The following ZNF536 variants were observed in gnomAD, a reference collection of about 807,000 sequenced individuals.
The protein encoded by ZNF536 is zinc finger protein 536.
A neutral mutation model predicts 84.5 loss-of-function variants in ZNF536; 13 were observed. The observed-to-expected ratio is 0.15, with a 90% CI of 0.10 to 0.24. The LOEUF is 0.24. ZNF536 is among the 10% of genes least tolerant of loss of function. ZNF536 has a pLI of 1.00. For missense variants in ZNF536, 1,536 were observed against 1,747.5 expected (o/e 0.88, Z 2.16); for synonymous variants, 811 against 742.5 (o/e 1.09, Z -1.50).
At chr19:30,307,136 G>A (rs1392452162) in intron 2 of ZNF536, among the ~76,000 whole-genome samples, 1 of 152,000 alleles carries the variant, frequency 6.6e-6, no homozygotes, top group Non-Finnish European at 1.5e-5. Context: ...GAATTCGCAT[G>A]GCAACATGAA....
intron 1 of ZNF536, among the ~76,000 whole-genome samples, chr19:30,402,823 A>ATATATATATATATATATATATG (rs71171802): frequency 7.2e-6 from 1 of 138,380 alleles, no homozygotes; most frequent in Non-Finnish European, 1.6e-5. Flanking sequence ...ATATATATAT[A>ATATATATATATATATATATATG]ATTTTCAAAA....
chr19:30,353,014 C>T (rs2047982299), intron 3 of ZNF536, among the ~76,000 whole-genome samples: 1 of 152,192 alleles, frequency 6.6e-6, no homozygotes, highest in South Asian at 2.1e-4. Context: ...GATAGTAAAA[C>T]CATACTTCTT....
At chr19:30,707,294 C>T (rs2052281613) in intron 1 of ZNF536, among the ~76,000 whole-genome samples, 1 of 152,196 alleles carries the variant, frequency 6.6e-6, no homozygotes, top group East Asian at 1.9e-4. Context: ...ATCCTTCAGT[C>T]TATGCCCTAA....
In ZNF536 at chr19:30,294,549, A is replaced by ATGTGTGTG. The variant is rs55972417; in HGVS notation, c.-120+10442_-120+10449dup. ...CTGTTTCTCCTCTCTAGGCCCCAAT[A>ATGTGTGTG]TGTGTGTGTGTGTGTGTGTGTGTGT... is the stretch of plus-strand genomic sequence containing the variant. On this transcript the variant is annotated intron_variant, in intron 2 of 5. Coordinates refer to the ZNF536 transcript ENST00000585628. Among the ~76,000 whole-genome samples the ATGTGTGTG allele has an allele frequency of 2.6e-3, 375 of 145,598 alleles. 1 individual carries two copies. Among genetic ancestry groups the ATGTGTGTG allele is most frequent in the African/African-American group, 5.2e-3 (209 of 39,896 alleles).
chr19:30,482,876 T>G (rs1366219435), intron 2 of ZNF536, among the ~76,000 whole-genome samples: 1 of 152,186 alleles, frequency 6.6e-6, no homozygotes, highest in Non-Finnish European at 1.5e-5. Context: ...TGGGTGGGCT[T>G]CAGCAAGCTT....
At chr19:30,667,132 G>A (rs933429404) in intron 1 of ZNF536, among the ~76,000 whole-genome samples, 5 of 152,136 alleles carry the variant, frequency 3.3e-5, no homozygotes, top group Non-Finnish European at 7.3e-5. Flanking sequence ...TTAGCATCTC[G>A]CAGTAGCACA....
At chr19:30,501,644 T>G (rs546613874) in intron 2 of ZNF536, among the ~76,000 whole-genome samples, 1 of 152,278 alleles carries the variant, frequency 6.6e-6, no homozygotes, top group South Asian at 2.1e-4. Context: ...CAGTCCATAC[T>G]GAGACTCACA....
intron 1 of ZNF536, among the ~76,000 whole-genome samples, chr19:30,247,674 A>T (rs919618173): frequency 1.4e-4 from 22 of 152,088 alleles, no homozygotes; most frequent in Non-Finnish European, 3.1e-4. Flanking sequence ...CAGAAAATTA[A>T]AAAAAATTAG....
chr19:30,360,349 A>T (rs1420048181), intron 3 of ZNF536, among the ~76,000 whole-genome samples: 1 of 152,172 alleles, frequency 6.6e-6, no homozygotes, highest in Non-Finnish European at 1.5e-5. Context: ...TAATCCCTTT[A>T]TTGTTTGCAC....
chr19:30,565,473 C>T (rs537736081), intron 1 of ZNF536, among the ~76,000 whole-genome samples: 33 of 152,330 alleles, frequency 2.2e-4, no homozygotes, highest in South Asian at 8.3e-4. Context: ...GCCACTTCTG[C>T]GTAACCAGAA....
chr19:30,624,740 C>A (rs2048613114), intron 1 of ZNF536, among the ~76,000 whole-genome samples: 1 of 152,002 alleles, frequency 6.6e-6, no homozygotes, highest in African/African-American at 2.4e-5. Flanking sequence ...GGCTTTGTAT[C>A]CCCCACCCAA....
At chr19:30,596,332 G>C (rs148568962) in intron 1 of ZNF536, among the ~76,000 whole-genome samples, 201 of 152,256 alleles carry the variant, frequency 1.3e-3, no homozygotes, top group African/African-American at 4.6e-3. Context: ...AACGTCTCTG[G>C]CTGCTTAAAG....
chr19:30,444,538 G>T lies in ZNF536; in HGVS notation c.976G>T (p.Ala326Ser), dbSNP rs1456171757. The T allele has an allele frequency of 1.9e-6, 3 of 1,613,078 alleles. No individual in the cohort carries two copies. The highest frequency in any genetic ancestry group is 1.3e-5 in the African/African-American group (1 of 74,956). Residue 326 changes from alanine to serine, a missense_variant, in exon 2 of 5, where the codon GCC (alanine) becomes TCC (serine). Transcript: ENST00000355537. ...CCACGTGGAGAAGGCACACATCACG[G>T]CCGAGTCGGCCCAGGGCCAGGGCCC... ...ISHVEKAHIT[A>S]ESAQGQGPNG...
chr19:30,656,627 G>A (rs960764349), intron 1 of ZNF536, among the ~76,000 whole-genome samples: 6 of 152,196 alleles, frequency 3.9e-5, no homozygotes, highest in Non-Finnish European at 7.3e-5. Context: ...CGGCAGGGAC[G>A]CAATCATACA....
chr19:30,589,564 T>C (rs2047208220), intron 1 of ZNF536, among the ~76,000 whole-genome samples: 1 of 152,142 alleles, frequency 6.6e-6, no homozygotes. Context: ...GAGTGCAAAC[T>C]GTTTATTTGG....
At chr19:30,551,323 C>T (rs183048495) in intron 4 of ZNF536, among the ~76,000 whole-genome samples, 2 of 152,234 alleles carry the variant, frequency 1.3e-5, no homozygotes, top group East Asian at 1.9e-4. Context: ...CTGCCTGGCT[C>T]GAGGAAGTTT....
At chr19:30,592,744 C>A (rs995243018) in intron 1 of ZNF536, among the ~76,000 whole-genome samples, 1 of 151,786 alleles carries the variant, frequency 6.6e-6, no homozygotes, top group African/African-American at 2.4e-5. Context: ...CCCCATTTGC[C>A]AGCAAGTTCA....
intron 1 of ZNF536, among the ~76,000 whole-genome samples, chr19:30,609,706 T>C (rs1335330337): frequency 6.6e-6 from 1 of 152,162 alleles, no homozygotes; most frequent in Non-Finnish European, 1.5e-5. Flanking sequence ...ATTTGTTTAT[T>C]CATTTATTCA....
At chr19:30,290,073 G>A (rs186215166) in intron 2 of ZNF536, among the ~76,000 whole-genome samples, 1 of 152,158 alleles carries the variant, frequency 6.6e-6, no homozygotes, top group South Asian at 2.1e-4. Flanking sequence ...GCACCTGTCT[G>A]TCTCTGTGAA....
Sources: gnomAD v4.1 joint callset for allele counts (sites outside exome capture counted in the v4.1 genomes callset) on GRCh38, gnomAD v4.1.1 for gene constraint, MANE v1.5 for transcripts, NCBI Gene and HGNC (gene_info 2026-07-23, HGNC 2026-07-21) for gene names.